Variants in FLT1 observed in about 807,000 individuals in gnomAD.
FLT1 encodes fms related receptor tyrosine kinase 1.
A neutral mutation model predicts 156.3 loss-of-function variants in FLT1; 49 were observed. The observed-to-expected ratio is 0.31, with a 90% CI of 0.25 to 0.40. The LOEUF (loss-of-function observed/expected upper bound fraction) is 0.40. Ranked by LOEUF, FLT1 falls within the 10% of genes least tolerant of loss-of-function variation. FLT1 has a pLI of 1.00. For missense variants in FLT1, 1,322 were observed against 1,637.2 expected (o/e 0.81, Z 3.32); for synonymous variants, 594 against 583.8 (o/e 1.02, Z -0.25).
chr13:28,335,996 A>G (rs998405461), intron 17 of FLT1, among the ~76,000 whole-genome samples: 1 of 152,216 alleles, frequency 6.6e-6, no homozygotes, highest in Non-Finnish European at 1.5e-5. Context: ...GGGATAAAGT[A>G]TCAATGTTTT....
At chr13:28,393,895 C>T (rs1277265927) in intron 12 of FLT1, among the ~76,000 whole-genome samples, 2 of 152,068 alleles carry the variant, frequency 1.3e-5, no homozygotes, top group Non-Finnish European at 2.9e-5. Flanking sequence ...CCCCAAGTAA[C>T]TGTATTTTAA....
chr13:28,461,410 T>C (rs1015159981), intron 3 of FLT1, among the ~76,000 whole-genome samples: 44 of 152,180 alleles, frequency 2.9e-4, no homozygotes, highest in African/African-American at 1.0e-3. Flanking sequence ...GGTTTCTCAA[T>C]GTATGAGCTC....
chr13:28,319,608 T>C lies in FLT1; in HGVS notation c.3175-74A>G, dbSNP rs184972233. ...ACATTCAACCCGAGTGTCCATGGGG[T>C]CACCTCCCAGATAACATACGGCCTA... On this transcript the variant is annotated intron_variant, in intron 23 of 29. Transcript: ENST00000282397. 9.8e-5 allele frequency: 81 copies of C among 829,990 alleles called. No homozygotes were observed. The East Asian group carries it at 1.6e-3, about 17-fold the overall frequency. The allele number at this position is 829,990 out of a possible 1,614,324, so 51.4% of individuals were successfully genotyped here.
At chr13:28,372,758 TGTA>T (rs1372742323) in intron 14 of FLT1, among the ~76,000 whole-genome samples, 1 of 151,494 alleles carries the variant, frequency 6.6e-6, no homozygotes, top group Non-Finnish European at 1.5e-5. Context: ...GGTGCGGGCC[TGTA>T]GTCTCAGCTA....
intron 16 of FLT1, among the ~76,000 whole-genome samples, chr13:28,342,700 T>C (rs1872383446): frequency 6.6e-6 from 1 of 152,214 alleles, no homozygotes; most frequent in African/African-American, 2.4e-5. Context: ...GTTAACTTTG[T>C]CTTGCTGAGC....
In FLT1 at chr13:28,368,738, C is replaced by T. The variant is rs991396251; in HGVS notation, c.2117-11053G>A. ...TTTTTTTTTGAGACAGAGTTTTGCTCTTGTTGCCCAGGCTGGAGTGCAATG... is the reference window on the plus strand; with the variant it reads ...TTTTTTTTTGAGACAGAGTTTTGCTTTTGTTGCCCAGGCTGGAGTGCAATG... On this transcript the variant is annotated intron_variant, in intron 14 of 29. Transcript: ENST00000282397. 62 of 659,266 alleles carry T rather than the reference C, an allele frequency of 9.4e-5. No individual in the cohort carries two copies. In the African/African-American group the frequency reaches 1.1e-3, roughly 11 times the overall value. 40.8% of individuals were successfully genotyped at this position (659,266 alleles called of 1,614,324 possible). A position where few individuals can be genotyped will look rare whatever the true frequency, so the allele number is the denominator to read the frequency against.
chr13:28,447,701 C>T (rs1878698009), intron 3 of FLT1, among the ~76,000 whole-genome samples: 1 of 151,880 alleles, frequency 6.6e-6, no homozygotes, highest in Non-Finnish European at 1.5e-5. Context: ...TTATATATCT[C>T]ATAAGGGACT....
At position 28,305,834 on chromosome 13, in the gene FLT1, C is replaced by T. The variant is rs1350129355; in HGVS notation, c.3815+844G>A. Among the ~76,000 whole-genome samples the T allele has an allele frequency of 2.0e-5, 3 of 152,102 alleles. 1 individual carries two copies. In the East Asian group the frequency reaches 5.8e-4, roughly 29 times the overall value. ...GTGTCCGTGTATTTCATGTGTGACCCAAGATAATTATTCTTCCATTGTGGC... is the reference window on the plus strand; with the variant it reads ...GTGTCCGTGTATTTCATGTGTGACCTAAGATAATTATTCTTCCATTGTGGC... On this transcript the variant is annotated intron_variant, in intron 29 of 29. Transcript: ENST00000282397.
chr13:28,477,086 C>T (rs1880591165), intron 1 of FLT1, among the ~76,000 whole-genome samples: 1 of 152,162 alleles, frequency 6.6e-6, no homozygotes, highest in South Asian at 2.1e-4. Flanking sequence ...AAAATGTTTA[C>T]CAGGAAAAAA....
At chr13:28,387,034 G>A (rs986453622) in intron 13 of FLT1, 57 of 1,037,502 alleles carry the variant, frequency 5.5e-5, no homozygotes, top group Non-Finnish European at 6.4e-5. Context: ...ACACAGACAC[G>A]ATTTGGACTC....
chr13:28,386,504 C>T, intron 13 of FLT1: 2 of 1,049,152 alleles, frequency 1.9e-6, no homozygotes, highest in Non-Finnish European at 2.3e-6. Context: ...TGTACAAAAA[C>T]TTCTTCAAAC....
chr13:28,325,682 C>T (rs554797356), intron 20 of FLT1, among the ~76,000 whole-genome samples: 1 of 151,816 alleles, frequency 6.6e-6, no homozygotes, highest in East Asian at 1.9e-4. Flanking sequence ...GGCGTTGTGG[C>T]GGGCTCCTGT....
chr13:28,320,386 G>T (rs145121373), intron 23 of FLT1, among the ~76,000 whole-genome samples: 2,027 of 152,202 alleles, frequency 0.013, 16 homozygotes, highest in South Asian at 0.032. Flanking sequence ...TGGTGCAGTG[G>T]CTCTCGAAGT....
At chr13:28,330,988 C>A (rs1871910601) in intron 18 of FLT1, among the ~76,000 whole-genome samples, 1 of 152,190 alleles carries the variant, frequency 6.6e-6, no homozygotes, top group Non-Finnish European at 1.5e-5. Flanking sequence ...GCCACCACAC[C>A]CAGCAGGTTA....
intron 11 of FLT1, among the ~76,000 whole-genome samples, chr13:28,399,905 T>G (rs1328987841): frequency 6.6e-6 from 1 of 152,232 alleles, no homozygotes; most frequent in African/African-American, 2.4e-5. Context: ...CAAGGCACTT[T>G]ACAGGAATTG....
At chr13:28,471,362 A>G (rs1000778888) in intron 1 of FLT1, among the ~76,000 whole-genome samples, 14 of 152,224 alleles carry the variant, frequency 9.2e-5, no homozygotes, top group Non-Finnish European at 1.6e-4. Context: ...GAAAACGAAT[A>G]AGAAAAAGGG....
chr13:28,453,856 A>G (rs1379008376), intron 3 of FLT1, among the ~76,000 whole-genome samples: 1 of 152,192 alleles, frequency 6.6e-6, no homozygotes, highest in Non-Finnish European at 1.5e-5. Context: ...TGGGGCTATC[A>G]TGGTAAGCAG....
chr13:28,423,497 T>C (rs1003863727), intron 10 of FLT1, among the ~76,000 whole-genome samples: 1 of 138,906 alleles, frequency 7.2e-6, no homozygotes, highest in Non-Finnish European at 1.7e-5. Context: ...TTGGCAAAAC[T>C]GCTCACTGTT....
At position 28,302,971 on chromosome 13, in the gene FLT1, G is replaced by T. The variant is rs1298558680; in HGVS notation, c.*196C>A. The T allele has an allele frequency of 1.3e-5, 8 of 595,764 alleles. No homozygotes were observed. The highest frequency in any genetic ancestry group is 2.1e-5 in the Non-Finnish European group (7 of 336,932). 36.9% of individuals were successfully genotyped at this position (595,764 alleles called of 1,614,324 possible). A position where few individuals can be genotyped will look rare whatever the true frequency, so the allele number is the denominator to read the frequency against. ...GATTTAGCAGTAGTGTTCTTCACTT[G>T]TCACTATTTCTCTATCTGGAGTTAC... On this transcript the variant is annotated 3_prime_UTR_variant, in exon 30 of 30. Coordinates refer to ENST00000282397, the MANE Select transcript of FLT1 (RefSeq NM_002019.4).
Sources: allele counts gnomAD v4.1 joint callset (sites outside exome capture counted in the v4.1 genomes callset), GRCh38; gene constraint gnomAD v4.1.1; transcripts MANE v1.5; gene names NCBI Gene and HGNC (gene_info 2026-07-23, HGNC 2026-07-21).